Variants in NKAIN2 observed in about 807,000 individuals in gnomAD.
NKAIN2 encodes sodium/potassium transporting ATPase interacting 2.
In NKAIN2, 14 loss-of-function variants were observed where a neutral mutation model predicts 32.6. That is an observed-to-expected ratio of 0.43 (90% confidence interval 0.28 to 0.67). NKAIN2 has a LOEUF of 0.67. NKAIN2 is among the 30% of genes least tolerant of loss of function. The pLI is 0.17. For missense variants in NKAIN2, 198 were observed against 258.3 expected (o/e 0.77, Z 1.60); for synonymous variants, 80 against 87.2 (o/e 0.92, Z 0.46).
At chr6:123,882,477 C>T (rs1422585766) in intron 1 of NKAIN2, among the ~76,000 whole-genome samples, 1 of 151,924 alleles carries the variant, frequency 6.6e-6, no homozygotes, top group Non-Finnish European at 1.5e-5. Flanking sequence ...TTTACAGGTC[C>T]TGTTAATGAA....
chr6:124,606,097 T>G (rs927839862), intron 3 of NKAIN2, among the ~76,000 whole-genome samples: 5 of 152,074 alleles, frequency 3.3e-5, no homozygotes, highest in African/African-American at 1.2e-4. Context: ...TTTTTGTCAC[T>G]TACACTTTAT....
intron 1 of NKAIN2, among the ~76,000 whole-genome samples, chr6:123,892,116 G>A (rs1774046462): frequency 6.6e-6 from 1 of 152,120 alleles, no homozygotes; most frequent in African/African-American, 2.4e-5. Context: ...TCCTCCCCAG[G>A]TGTGCCTAAA....
chr6:124,416,743 C>T, intron 3 of NKAIN2, among the ~76,000 whole-genome samples: 1 of 152,104 alleles, frequency 6.6e-6, no homozygotes, highest in Non-Finnish European at 1.5e-5. Flanking sequence ...CCTTCTCCTG[C>T]CCCTGTGTGA....
intron 1 of NKAIN2, among the ~76,000 whole-genome samples, chr6:124,005,039 A>G (rs1780020941): frequency 6.6e-6 from 1 of 152,110 alleles, no homozygotes; most frequent in African/African-American, 2.4e-5. Flanking sequence ...AGCTTGGTCA[A>G]GATAGTGAAA....
chr6:124,520,839 TGGC>T, intron 3 of NKAIN2, among the ~76,000 whole-genome samples: 1 of 152,344 alleles, frequency 6.6e-6, no homozygotes, highest in South Asian at 2.1e-4. Context: ...TGCCCTTTGT[TGGC>T]ATGACCTGAA....
At chr6:124,808,223 C>T (rs1299263168) in intron 5 of NKAIN2, among the ~76,000 whole-genome samples, 1 of 151,352 alleles carries the variant, frequency 6.6e-6, no homozygotes, top group Non-Finnish European at 1.5e-5. Flanking sequence ...AACATTGATG[C>T]AAAAATCCTC....
intron 2 of NKAIN2, among the ~76,000 whole-genome samples, chr6:124,347,593 C>T (rs1018292859): frequency 5.9e-5 from 9 of 152,120 alleles, no homozygotes; most frequent in African/African-American, 1.4e-4. Context: ...TTTCATCTTC[C>T]GTCACTGATA....
rs139392673 is a variant in NKAIN2 at position 123,922,434 on chromosome 6, A to T, written c.54+118180A>T. ...TGTAATAACTTCTTGGTGCCTATTT[A>T]TTCTTATAGAAATCTGTCCTGATGT... On this transcript the variant is annotated intron_variant, in intron 1 of 6. Transcript: ENST00000368417. Among the ~76,000 whole-genome samples the T allele has an allele frequency of 3.4e-3, 515 of 152,324 alleles. 3 individuals are homozygous for T. The highest frequency in any genetic ancestry group is 0.012 in the South Asian group (56 of 4,832).
chr6:124,223,286 G>T (rs941166405), intron 1 of NKAIN2, among the ~76,000 whole-genome samples: 6 of 147,910 alleles, frequency 4.1e-5, no homozygotes, highest in African/African-American at 1.5e-4. Context: ...ACAGAGGCAA[G>T]AATAAACTTT....
intron 3 of NKAIN2, among the ~76,000 whole-genome samples, chr6:124,377,344 C>A (rs1800036369): frequency 6.6e-6 from 1 of 152,122 alleles, no homozygotes; most frequent in South Asian, 2.1e-4. Context: ...GGGCAGTAAG[C>A]AAGCCAGACC....
At chr6:124,298,559 A>T (rs946111897) in intron 2 of NKAIN2, among the ~76,000 whole-genome samples, 13 of 152,146 alleles carry the variant, frequency 8.5e-5, no homozygotes, top group African/African-American at 2.6e-4. Context: ...AGCTCTATTT[A>T]TTTGGGATTA....
Position 123,871,085 on chromosome 6 carries a change from G to A in NKAIN2, c.54+66831G>A, listed in dbSNP as rs146330018. On this transcript the variant is annotated intron_variant, in intron 1 of 6. Coordinates refer to ENST00000368417, the MANE Select transcript of NKAIN2 (RefSeq NM_001040214.3). ...TTCATTTCCCACAACAAGAACTGGG[G>A]ATTTGGCTTCTTTCTGCCATCATAT... Among the ~76,000 whole-genome samples, 254 of 152,124 alleles carry A rather than the reference G, an allele frequency of 1.7e-3. 2 individuals carry two copies. Among genetic ancestry groups the A allele is most frequent in the Non-Finnish European group, 1.7e-3 (118 of 67,992 alleles).
In NKAIN2 at chr6:124,460,226, T is replaced by C. The variant is rs975061651; in HGVS notation, c.273+104879T>C. Among the ~76,000 whole-genome samples, 8 of 151,932 alleles carry C rather than the reference T, an allele frequency of 5.3e-5. 1 individual carries two copies. In the South Asian group the frequency reaches 1.7e-3, roughly 31 times the overall value. On this transcript the variant is annotated intron_variant, in intron 3 of 6. Coordinates refer to ENST00000368417, the MANE Select transcript of NKAIN2 (RefSeq NM_001040214.3). Reference sequence around the variant, plus strand: ...CAGCTTTCAGATACCGTCCTTATGTTACTATTTAGTTTTCTAGTTCTACTT... The same window carrying C: ...CAGCTTTCAGATACCGTCCTTATGTCACTATTTAGTTTTCTAGTTCTACTT...
Position 124,265,402 on chromosome 6 carries a change from T to A in NKAIN2, c.55-17603T>A, listed in dbSNP as rs58988474. Among the ~76,000 whole-genome samples, 303 of 152,278 alleles carry A rather than the reference T, an allele frequency of 2.0e-3. 3 individuals carry two copies. Among genetic ancestry groups the A allele is most frequent in the African/African-American group, 7.1e-3 (294 of 41,572 alleles). Reference sequence around the variant, plus strand: ...AATACTGTTGTATACCAAACTTGTTTAAATAAGTTCAATTCAGGACACATA... The same window carrying A: ...AATACTGTTGTATACCAAACTTGTTAAAATAAGTTCAATTCAGGACACATA... On this transcript the variant is annotated intron_variant, in intron 1 of 6. Transcript: ENST00000368417.
At chr6:124,321,859 T>A (rs1425044274) in intron 2 of NKAIN2, among the ~76,000 whole-genome samples, 1 of 152,326 alleles carries the variant, frequency 6.6e-6, no homozygotes, top group Non-Finnish European at 1.5e-5. Context: ...AATCACTTAA[T>A]ATGGTTATTA....
chr6:123,992,225 G>T (rs1229561073), intron 1 of NKAIN2, among the ~76,000 whole-genome samples: 1 of 152,120 alleles, frequency 6.6e-6, no homozygotes, highest in Non-Finnish European at 1.5e-5. Flanking sequence ...GGAAAACATA[G>T]CTTCCATGGC....
chr6:124,733,577 G>T (rs1173886819), intron 4 of NKAIN2, among the ~76,000 whole-genome samples: 1 of 151,772 alleles, frequency 6.6e-6, no homozygotes, highest in Non-Finnish European at 1.5e-5. Context: ...AACTGTACTG[G>T]AATTGAACAA....
At chr6:124,310,413 G>T (rs1244182267) in intron 2 of NKAIN2, among the ~76,000 whole-genome samples, 1 of 152,072 alleles carries the variant, frequency 6.6e-6, no homozygotes, top group African/African-American at 2.4e-5. Context: ...ATCATAGTTA[G>T]AAAGTTAATA....
chr6:124,031,763 T>C (rs918948216), intron 1 of NKAIN2, among the ~76,000 whole-genome samples: 25 of 152,182 alleles, frequency 1.6e-4, no homozygotes, highest in Admixed American at 7.9e-4. Flanking sequence ...GATTGCACTG[T>C]GGTCTGAGAG....
Sources: allele counts gnomAD v4.1 joint callset (sites outside exome capture counted in the v4.1 genomes callset), GRCh38; gene constraint gnomAD v4.1.1; transcripts MANE v1.5; gene names NCBI Gene and HGNC (gene_info 2026-07-23, HGNC 2026-07-21).